The following RCAN2 variants were observed in gnomAD, a reference collection of about 807,000 sequenced individuals.
RCAN2 encodes calcipressin-2.
Under a neutral mutation model 23.6 loss-of-function variants are expected in RCAN2, and 9 were observed. That is an observed-to-expected ratio of 0.38 (90% CI 0.23 to 0.67). The LOEUF (loss-of-function observed/expected upper bound fraction) is 0.67, where lower values mean the gene tolerates loss of function less well. Among genes scored for constraint, RCAN2 ranks in the 30% least tolerant of loss-of-function variants. The pLI, the probability that RCAN2 is intolerant of heterozygous loss-of-function variation, is 0.51. For synonymous variants in RCAN2, 109 were observed against 115.7 expected (o/e 0.94, Z 0.37); for missense variants, 273 against 302.3 (o/e 0.90, Z 0.72).
intron 4 of RCAN2, among the ~76,000 whole-genome samples, chr6:46,231,176 C>T (rs909718968): frequency 3.9e-5 from 6 of 152,034 alleles, no homozygotes; most frequent in African/African-American, 1.5e-4. Flanking sequence ...CGACTAGCAC[C>T]CTTATAGAAA....
intron 1 of RCAN2, among the ~76,000 whole-genome samples, chr6:46,468,371 T>C (rs1037653806): frequency 1.3e-5 from 2 of 152,174 alleles, no homozygotes; most frequent in South Asian, 2.1e-4. Flanking sequence ...TTCAATCTTA[T>C]AGTCTTACTT....
At chr6:46,284,261 T>G (rs771108376) in intron 2 of RCAN2, among the ~76,000 whole-genome samples, 1 of 152,054 alleles carries the variant, frequency 6.6e-6, no homozygotes, top group African/African-American at 2.4e-5. Context: ...GGCTCTTAGG[T>G]TGGAGTAAGG....
chr6:46,424,928 G>C (rs995417338), intron 2 of RCAN2, among the ~76,000 whole-genome samples: 1 of 152,180 alleles, frequency 6.6e-6, no homozygotes, highest in African/African-American at 2.4e-5. Context: ...GCATAGAGTG[G>C]TGAACAAAGC....
chr6:46,458,726 T>C (rs974395260), intron 1 of RCAN2, among the ~76,000 whole-genome samples: 1 of 152,204 alleles, frequency 6.6e-6, no homozygotes, highest in Non-Finnish European at 1.5e-5. Flanking sequence ...AACATGTGCA[T>C]GTATTTTCTT....
chr6:46,415,033 A>G (rs1444936878), intron 2 of RCAN2, among the ~76,000 whole-genome samples: 1 of 152,142 alleles, frequency 6.6e-6, no homozygotes, highest in African/African-American at 2.4e-5. Context: ...GGAAAGGTAG[A>G]CTGGGGCCAG....
At chr6:46,282,946 C>G (rs1003305336) in intron 2 of RCAN2, among the ~76,000 whole-genome samples, 104 of 152,228 alleles carry the variant, frequency 6.8e-4, no homozygotes, top group African/African-American at 2.4e-3. Context: ...AACTTTCATT[C>G]CAGAAGTAAG....
intron 2 of RCAN2, among the ~76,000 whole-genome samples, chr6:46,328,499 C>T (rs1763863318): frequency 6.6e-6 from 1 of 152,190 alleles, no homozygotes; most frequent in South Asian, 2.1e-4. Context: ...AAACCCCCAA[C>T]TTATTGGGTT....
chr6:46,480,532 T>C (rs1768832153), intron 1 of RCAN2, among the ~76,000 whole-genome samples: 1 of 152,216 alleles, frequency 6.6e-6, no homozygotes, highest in South Asian at 2.1e-4. Context: ...GGTGCTTTGT[T>C]ATGTCACAGA....
chr6:46,425,228 A>G (rs1413382624), intron 2 of RCAN2, among the ~76,000 whole-genome samples: 9 of 152,232 alleles, frequency 5.9e-5, no homozygotes, highest in Non-Finnish European at 4.4e-5. Flanking sequence ...TGTGGATTAT[A>G]TCAGTGTGTA....
At position 46,230,244 on chromosome 6, in the gene RCAN2, C is replaced by T. The variant is rs192207342; in HGVS notation, c.572-6943G>A. Among the ~76,000 whole-genome samples, 20 of 152,272 alleles carry T rather than the reference C, an allele frequency of 1.3e-4. No homozygotes were observed. In the East Asian group the frequency reaches 3.7e-3, roughly 28 times the overall value. On this transcript the variant is annotated intron_variant, in intron 4 of 4. Coordinates refer to ENST00000371374, the MANE Select transcript of RCAN2 (RefSeq NM_001251974.2). ...GGGGTCAGGGAACCACTTGAGGAGG[C>T]AGTCTCCATACTCAGATCTCCAACT...
chr6:46,236,688 G>A (rs1051183926), intron 4 of RCAN2, among the ~76,000 whole-genome samples: 3 of 152,128 alleles, frequency 2.0e-5, no homozygotes, highest in African/African-American at 4.8e-5. Context: ...GTACTCACAC[G>A]TGAATATTCT....
intron 2 of RCAN2, among the ~76,000 whole-genome samples, chr6:46,330,297 G>A (rs1273542117): frequency 6.6e-6 from 1 of 152,114 alleles, no homozygotes; most frequent in African/African-American, 2.4e-5. Context: ...ACTCTGGAGG[G>A]AAGACCAGTA....
intron 2 of RCAN2, among the ~76,000 whole-genome samples, chr6:46,333,735 G>T (rs943429341): frequency 6.6e-6 from 1 of 152,140 alleles, no homozygotes; most frequent in Non-Finnish European, 1.5e-5. Flanking sequence ...GCTTTGATTT[G>T]CATTTCTCTT....
chr6:46,436,803 C>G (rs1050537451), intron 2 of RCAN2, among the ~76,000 whole-genome samples: 1 of 152,186 alleles, frequency 6.6e-6, no homozygotes, highest in Non-Finnish European at 1.5e-5. Context: ...CCCTCTCTCT[C>G]TCAATCACTC....
intron 2 of RCAN2, among the ~76,000 whole-genome samples, chr6:46,395,651 T>C (rs920156390): frequency 1.3e-5 from 2 of 152,226 alleles, no homozygotes; most frequent in African/African-American, 2.4e-5. Context: ...CTGCTAAACT[T>C]AGCACAAAAG....
At chr6:46,456,536 T>G (rs1768036921) in intron 2 of RCAN2, among the ~76,000 whole-genome samples, 1 of 152,214 alleles carries the variant, frequency 6.6e-6, no homozygotes, top group South Asian at 2.1e-4. Context: ...AGGACTCAAT[T>G]TGATTCAACA....
intron 2 of RCAN2, among the ~76,000 whole-genome samples, chr6:46,286,614 A>G (rs1762382741): frequency 6.6e-6 from 1 of 152,200 alleles, no homozygotes; most frequent in African/African-American, 2.4e-5. Context: ...ATTCTTGAGA[A>G]GGTAAAGACA....
At chr6:46,316,608 C>T (rs2150359694) in intron 2 of RCAN2, among the ~76,000 whole-genome samples, 1 of 152,312 alleles carries the variant, frequency 6.6e-6, no homozygotes, top group African/African-American at 2.4e-5. Context: ...GATTATACAT[C>T]CCTATATCTG....
intron 2 of RCAN2, among the ~76,000 whole-genome samples, chr6:46,295,605 G>T (rs1582076484): frequency 6.6e-6 from 1 of 152,228 alleles, no homozygotes; most frequent in South Asian, 2.1e-4. Context: ...AGTTTTTGAG[G>T]CAGGAGATAA....
Sources: gnomAD v4.1 joint callset for allele counts (sites outside exome capture counted in the v4.1 genomes callset) on GRCh38, gnomAD v4.1.1 for gene constraint, MANE v1.5 for transcripts, NCBI Gene and HGNC (gene_info 2026-07-23, HGNC 2026-07-21) for gene names.